SLC25A16: variants seen among roughly 807,000 people sequenced by gnomAD.
SLC25A16 encodes solute carrier family 25 member 16, also known as mitochondrial coenzyme A transporter SLC25A16.
Under a neutral mutation model 41.5 loss-of-function variants are expected in SLC25A16, and 39 were observed. The ratio of observed to expected loss-of-function variants is 0.94; its 90% CI spans 0.73 to 1.23. The LOEUF (loss-of-function observed/expected upper bound fraction) is 1.23, where lower values mean the gene tolerates loss of function less well. Ranked by LOEUF, SLC25A16 falls within the 50% of genes most tolerant of loss-of-function variation. The pLI is 0.00. For missense variants in SLC25A16, 421 were observed against 426.9 expected, an observed-to-expected ratio of 0.99 and a Z score of 0.12; for synonymous variants, 146 against 147.8, an observed-to-expected ratio of 0.99 and a Z score of 0.09.
In SLC25A16 at chr10:68,513,428, A is replaced by G. The variant is rs578184088; in HGVS notation, c.223+3323T>C. Among the ~76,000 whole-genome samples, 621 of 151,536 alleles carry G rather than the reference A, an allele frequency of 4.1e-3. 8 individuals are homozygous for G. Among genetic ancestry groups the G allele is most frequent in the African/African-American group, 0.014 (585 of 41,078 alleles). Reference sequence around the variant, plus strand: ...TCTCAAAAAAAAAAAAGAGGAAAAAAAAAAGAAAAGAAAAGAAAAAATATT... The same window carrying G: ...TCTCAAAAAAAAAAAAGAGGAAAAAGAAAAGAAAAGAAAAGAAAAAATATT... On this transcript the variant is annotated intron_variant, in intron 2 of 8. Coordinates refer to ENST00000609923, the MANE Select transcript of SLC25A16 (RefSeq NM_152707.4).
chr10:68,489,728 C>T (rs1215777373), intron 6 of SLC25A16, among the ~76,000 whole-genome samples: 2 of 151,840 alleles, frequency 1.3e-5, no homozygotes, highest in African/African-American at 4.8e-5. Flanking sequence ...TGGTGAAACC[C>T]TGTCTCTACA....
chr10:68,527,055 C>A (rs2053348576), intron 1 of SLC25A16, among the ~76,000 whole-genome samples, 191 bp downstream of exon 1: 1 of 152,210 alleles, frequency 6.6e-6, no homozygotes, highest in South Asian at 2.1e-4. Context: ...AAAGGTCCCA[C>A]TCCCCATAAC....
intron 4 of SLC25A16, among the ~76,000 whole-genome samples, chr10:68,494,854 G>A (rs1451822158): frequency 3.3e-5 from 5 of 150,724 alleles, no homozygotes; most frequent in East Asian, 1.9e-4. Flanking sequence ...ACTCCAGCCC[G>A]GGCGACAAGA....
intron 2 of SLC25A16, among the ~76,000 whole-genome samples, chr10:68,513,484 G>A (rs188667142): frequency 1.5e-4 from 22 of 151,314 alleles, no homozygotes; most frequent in African/African-American, 4.8e-4. Flanking sequence ...TTAATATACC[G>A]CATAAATATC....
At chr10:68,504,664 C>A (rs9415901) in intron 3 of SLC25A16, among the ~76,000 whole-genome samples, 5,404 of 151,234 alleles carry the variant, frequency 0.036, 145 homozygotes, top group South Asian at 0.09. Flanking sequence ...AGGCATGAGC[C>A]ACCGCACCCG....
At chr10:68,518,150 G>C (rs2053191678) in intron 1 of SLC25A16, 2 of 152,186 alleles carry the variant, frequency 1.3e-5, no homozygotes, top group African/African-American at 2.4e-5. Flanking sequence ...GGGCACGGTG[G>C]CTCACGCCTG....
intron 6 of SLC25A16, among the ~76,000 whole-genome samples, chr10:68,489,386 G>A (rs925449068): frequency 6.6e-6 from 1 of 152,160 alleles, no homozygotes; most frequent in South Asian, 2.1e-4. Flanking sequence ...TTGTCTTCAA[G>A]GAAGAATTGT....
intron 1 of SLC25A16, among the ~76,000 whole-genome samples, chr10:68,522,912 C>T (rs1262554489): frequency 1.3e-5 from 2 of 149,998 alleles, no homozygotes; most frequent in African/African-American, 4.9e-5. Context: ...CACTTGAACA[C>T]GGGAGGTGGA....
intron 7 of SLC25A16, 51 bp downstream of exon 7, chr10:68,488,416 C>T (rs1194012919): frequency 2.4e-6 from 3 of 1,267,066 alleles, no homozygotes; most frequent in East Asian, 2.6e-5. Context: ...TGCTGAAAAT[C>T]AGGACTGGGT....
intron 6 of SLC25A16, among the ~76,000 whole-genome samples, chr10:68,492,115 C>A (rs757973244): frequency 2.0e-5 from 3 of 152,152 alleles, no homozygotes. Flanking sequence ...CCACCACACC[C>A]GGCTCCTTTT....
intron 1 of SLC25A16, among the ~76,000 whole-genome samples, chr10:68,520,890 T>C (rs1183936709): frequency 6.6e-6 from 1 of 150,834 alleles, no homozygotes; most frequent in Non-Finnish European, 1.5e-5. Context: ...AATCCCAGCA[T>C]TTTGGGACGT....
chr10:68,526,786 TTGG>T, intron 1 of SLC25A16, among the ~76,000 whole-genome samples: 1 of 152,216 alleles, frequency 6.6e-6, no homozygotes, highest in South Asian at 2.1e-4. Context: ...GGAACCAGTT[TTGG>T]CTGTAGACAG....
chr10:68,517,200 C>T (rs1274526264), intron 1 of SLC25A16: 4 of 998,846 alleles, frequency 4.0e-6, no homozygotes, highest in South Asian at 9.3e-5. Context: ...AACATTTTTA[C>T]GGAGACAGAC....
chr10:68,504,219 A>T (rs766234567), intron 3 of SLC25A16, among the ~76,000 whole-genome samples: 1 of 151,584 alleles, frequency 6.6e-6, no homozygotes, highest in Non-Finnish European at 1.5e-5. Context: ...GTTTCACCAC[A>T]TTGGTCAGGC....
At chr10:68,504,589 G>A (rs960270353) in intron 3 of SLC25A16, among the ~76,000 whole-genome samples, 1 of 149,844 alleles carries the variant, frequency 6.7e-6, no homozygotes, top group Non-Finnish European at 1.5e-5. Flanking sequence ...ATGTTAGCCA[G>A]GATGGTCTCG....
At position 68,527,483 on chromosome 10, in the gene SLC25A16, C is replaced by G; in HGVS notation, c.-108G>C. ...GAGGCTGACCGCCCCGCCGGCGGGGCAAAGTAACACCCGGCGGCGCGGCGC... is the reference window on the plus strand; with the variant it reads ...GAGGCTGACCGCCCCGCCGGCGGGGGAAAGTAACACCCGGCGGCGCGGCGC... On this transcript the variant is annotated 5_prime_UTR_variant, in exon 1 of 9. Transcript: ENST00000609923. 9.0e-7 allele frequency: 1 copy of G among 1,109,698 alleles called. No homozygotes were observed. Among genetic ancestry groups the G allele is most frequent in the Non-Finnish European group, 1.2e-6 (1 of 826,392 alleles). The allele number at this position is 1,109,698 out of a possible 1,614,324, so 68.7% of individuals were successfully genotyped here.
chr10:68,514,066 G>A (rs1406580476), intron 2 of SLC25A16, among the ~76,000 whole-genome samples: 2 of 151,958 alleles, frequency 1.3e-5, no homozygotes, highest in Non-Finnish European at 2.9e-5. Context: ...GGTGGCGGAT[G>A]CCTGTAATCC....
intron 3 of SLC25A16, among the ~76,000 whole-genome samples, chr10:68,505,686 ATCATG>A: frequency 6.6e-6 from 1 of 152,130 alleles, no homozygotes; most frequent in Non-Finnish European, 1.5e-5. Flanking sequence ...GTGAGCCAAG[ATCATG>A]TCATTGCACT....
At chr10:68,512,803 T>C (rs1410849621) in intron 2 of SLC25A16, among the ~76,000 whole-genome samples, 1 of 151,802 alleles carries the variant, frequency 6.6e-6, no homozygotes, top group African/African-American at 2.4e-5. Context: ...TTTGGGAGGC[T>C]GAGGCGGATG....
Sources: allele counts gnomAD v4.1 joint callset (sites outside exome capture counted in the v4.1 genomes callset), GRCh38; gene constraint gnomAD v4.1.1; transcripts MANE v1.5; gene names NCBI Gene and HGNC (gene_info 2026-07-23, HGNC 2026-07-21).